Variants in RCAN2 observed in about 807,000 individuals in gnomAD.
RCAN2 encodes the protein regulator of calcineurin 2.
A neutral mutation model predicts 23.6 loss-of-function variants in RCAN2; 9 were observed. That is an observed-to-expected ratio of 0.38 (90% confidence interval 0.23 to 0.67). The LOEUF (loss-of-function observed/expected upper bound fraction) is 0.67, where lower values mean the gene tolerates loss of function less well. Ranked by LOEUF, RCAN2 falls within the 30% of genes least tolerant of loss-of-function variation. The pLI, the probability that RCAN2 is intolerant of heterozygous loss-of-function variation, is 0.51. For missense variants in RCAN2, 273 were observed against 302.3 expected (o/e 0.90, Z 0.72); for synonymous variants, 109 against 115.7 (o/e 0.94, Z 0.37).
chr6:46,243,708 G>A (rs575784663), intron 4 of RCAN2, among the ~76,000 whole-genome samples: 264 of 149,866 alleles, frequency 1.8e-3, no homozygotes, highest in Admixed American at 4.8e-3. Context: ...TGCTCAGGAA[G>A]CTGAGGCAGG....
In RCAN2 at chr6:46,246,908, T is replaced by C. The variant is rs1766533783; in HGVS notation, c.411A>G (p.Pro137=). Residue 137 remains proline (P), a synonymous_variant, in exon 4 of 5, where the codon CCA becomes CCG. Transcript: ENST00000371374. ...LKLYFAQVQT[P]ETDGDKLHLA... is the part of the protein sequence containing the mutation. ...AGTGCAGTTTGTCTCCATCTGTCTC[T>C]GGAGTCTGAACCTTTCAAATAGAGT... 1 of 1,582,066 alleles carries C rather than the reference T, an allele frequency of 6.3e-7. No individual in the cohort carries two copies. The highest frequency in any genetic ancestry group is 8.6e-7 in the Non-Finnish European group (1 of 1,162,510).
chr6:46,298,191 TA>T lies in RCAN2; in HGVS notation c.226-49296del, dbSNP rs1320553283. Among the ~76,000 whole-genome samples the T allele has an allele frequency of 4.6e-5, 7 of 152,224 alleles. No homozygotes were observed. The East Asian group carries it at 9.7e-4, about 21-fold the overall frequency. Reference sequence around the variant, plus strand: ...GCAGCTTAGAAGGGAAAAATAATACTAAAAATAATTAACTTATAAAAGTACA... The same window carrying T: ...GCAGCTTAGAAGGGAAAAATAATACTAAAATAATTAACTTATAAAAGTACA... On this transcript the variant is annotated intron_variant, in intron 2 of 4. Coordinates refer to ENST00000371374, the MANE Select transcript of RCAN2 (RefSeq NM_001251974.2).
chr6:46,260,710 C>G (rs1303261029), intron 2 of RCAN2, among the ~76,000 whole-genome samples: 1 of 152,146 alleles, frequency 6.6e-6, no homozygotes, highest in Non-Finnish European at 1.5e-5. Flanking sequence ...CTATGCCAAG[C>G]AAGGTACCAT....
chr6:46,346,866 T>C (rs560232572), intron 2 of RCAN2, among the ~76,000 whole-genome samples: 23 of 151,796 alleles, frequency 1.5e-4, no homozygotes, highest in Non-Finnish European at 2.9e-4. Flanking sequence ...TTTATTTATT[T>C]ATTTTAATTA....
At chr6:46,287,110 A>G (rs1362141386) in intron 2 of RCAN2, among the ~76,000 whole-genome samples, 1 of 152,108 alleles carries the variant, frequency 6.6e-6, no homozygotes, top group East Asian at 1.9e-4. Flanking sequence ...CTATCATGCC[A>G]TGGTGGAGAA....
chr6:46,352,639 A>T (rs1764699832), intron 2 of RCAN2, among the ~76,000 whole-genome samples: 1 of 152,220 alleles, frequency 6.6e-6, no homozygotes, highest in African/African-American at 2.4e-5. Flanking sequence ...ACTGACTGAA[A>T]CATTCACTGT....
At chr6:46,310,121 T>C (rs968518849) in intron 2 of RCAN2, among the ~76,000 whole-genome samples, 3 of 152,144 alleles carry the variant, frequency 2.0e-5, no homozygotes, top group Non-Finnish European at 2.9e-5. Context: ...ACCCGGTTCT[T>C]AAACACTGTT....
At chr6:46,484,258 T>C (rs1036247983) in intron 1 of RCAN2, among the ~76,000 whole-genome samples, 16 of 152,234 alleles carry the variant, frequency 1.1e-4, no homozygotes, top group African/African-American at 3.9e-4. Flanking sequence ...AGCCTTTTTT[T>C]CTTTGAAAAG....
rs552482165 is a variant in RCAN2 at position 46,468,766 on chromosome 6, C to G, written c.-2-11788G>C. 3.1e-6 allele frequency: 3 copies of G among 974,030 alleles called. No individual in the cohort carries two copies. The South Asian group carries it at 1.4e-4, about 46-fold the overall frequency. The allele number at this position is 974,030 out of a possible 1,614,324, so 60.3% of individuals were successfully genotyped here. A position where few individuals can be genotyped will look rare whatever the true frequency, so the allele number is the denominator to read the frequency against. On this transcript the variant is annotated intron_variant, in intron 1 of 4. Coordinates refer to ENST00000371374, the MANE Select transcript of RCAN2 (RefSeq NM_001251974.2). ...TCTCTTCTCTCTCCCCACTCTTTCT[C>G]TCTCTCCGCTAGATGTTCCAGAGCC...
intron 2 of RCAN2, among the ~76,000 whole-genome samples, chr6:46,319,140 G>C (rs551006314): frequency 3.3e-5 from 5 of 152,300 alleles, no homozygotes; most frequent in African/African-American, 1.2e-4. Context: ...TGATCTCCTT[G>C]CAAAGCTGGG....
intron 2 of RCAN2, among the ~76,000 whole-genome samples, chr6:46,295,581 C>T (rs1174219667): frequency 6.6e-6 from 1 of 151,978 alleles, no homozygotes; most frequent in African/African-American, 2.4e-5. Flanking sequence ...CCAGAGTTGG[C>T]AGGAAGCAAA....
intron 2 of RCAN2, among the ~76,000 whole-genome samples, chr6:46,386,720 A>G (rs1765767951): frequency 6.6e-6 from 1 of 152,158 alleles, no homozygotes; most frequent in African/African-American, 2.4e-5. Context: ...TAAGCTACCA[A>G]TGACTTTCTT....
At chr6:46,336,099 C>T (rs769419988) in intron 2 of RCAN2, among the ~76,000 whole-genome samples, 3 of 152,176 alleles carry the variant, frequency 2.0e-5, no homozygotes, top group Non-Finnish European at 4.4e-5. Context: ...ATGATGAACA[C>T]ATCTGCACTT....
Position 46,325,411 on chromosome 6 carries a change from A to G in RCAN2, c.226-76515T>C, listed in dbSNP as rs372464190. 5.2e-5 allele frequency: 84 copies of G among 1,614,090 alleles called. No homozygotes were observed. In the African/African-American group the frequency reaches 1.1e-3, roughly 20 times the overall value. On this transcript the variant is annotated intron_variant, in intron 2 of 4. Coordinates refer to ENST00000371374, the MANE Select transcript of RCAN2 (RefSeq NM_001251974.2). ...TGCATACCTTAACCTCCTGATTGGTAAAGACCTCGACATCCACCACACAGG... is the reference window on the plus strand; with the variant it reads ...TGCATACCTTAACCTCCTGATTGGTGAAGACCTCGACATCCACCACACAGG...
At chr6:46,327,273 G>C (rs1411507377) in intron 2 of RCAN2, among the ~76,000 whole-genome samples, 1 of 152,080 alleles carries the variant, frequency 6.6e-6, no homozygotes, top group Non-Finnish European at 1.5e-5. Flanking sequence ...TGGATCCCAT[G>C]TTAGGATGGC....
At chr6:46,280,614 T>C (rs1561840813) in intron 2 of RCAN2, among the ~76,000 whole-genome samples, 1 of 152,202 alleles carries the variant, frequency 6.6e-6, no homozygotes. Flanking sequence ...CCTATAAAGC[T>C]GTATTTTAAA....
intron 2 of RCAN2, among the ~76,000 whole-genome samples, chr6:46,375,601 C>T (rs1457941177): frequency 1.3e-5 from 2 of 152,164 alleles, no homozygotes; most frequent in Non-Finnish European, 2.9e-5. Flanking sequence ...ATTTGTCATT[C>T]CAGGAAAACA....
chr6:46,245,320 T>C (rs1417350731), intron 4 of RCAN2, among the ~76,000 whole-genome samples: 1 of 152,186 alleles, frequency 6.6e-6, no homozygotes, highest in Non-Finnish European at 1.5e-5. Flanking sequence ...AGGACATACA[T>C]GCAACAGCTG....
intron 2 of RCAN2, among the ~76,000 whole-genome samples, chr6:46,252,966 CA>C (rs1184944899): frequency 6.6e-6 from 1 of 152,148 alleles, no homozygotes; most frequent in East Asian, 1.9e-4. Flanking sequence ...AATCACATAA[CA>C]TTTTATATGA....
Sources: gnomAD v4.1 joint callset for allele counts (sites outside exome capture counted in the v4.1 genomes callset) on GRCh38, gnomAD v4.1.1 for gene constraint, MANE v1.5 for transcripts, NCBI Gene and HGNC (gene_info 2026-07-23, HGNC 2026-07-21) for gene names.